The following TFPI variants were observed in gnomAD, a reference collection of about 807,000 sequenced individuals.
TFPI encodes the protein tissue factor pathway inhibitor, also known as anti-convertin.
In TFPI, 15 loss-of-function variants were observed where a neutral mutation model predicts 34.6. The ratio of observed to expected loss-of-function variants is 0.43; its 90% CI spans 0.29 to 0.67. TFPI has a LOEUF of 0.67. TFPI is among the 30% of genes least tolerant of loss of function. The pLI is 0.15. For synonymous variants in TFPI, 105 were observed against 120.1 expected, an observed-to-expected ratio of 0.87 and a Z score of 0.82; for missense variants, 301 against 364.0, an observed-to-expected ratio of 0.83 and a Z score of 1.41.
intron 6 of TFPI, among the ~76,000 whole-genome samples, chr2:187,479,242 G>T (rs1692640625): frequency 1.3e-5 from 2 of 151,946 alleles, no homozygotes; most frequent in African/African-American, 4.8e-5. Flanking sequence ...GGACAATGCA[G>T]ACAAATTTTA....
intron 6 of TFPI, chr2:187,478,498 A>G: frequency 1.1e-6 from 1 of 951,428 alleles, no homozygotes; most frequent in Non-Finnish European, 1.4e-6. Context: ...AAAGACTCAC[A>G]ACTAGCACGA....
At chr2:187,526,614 C>T (rs1687689452) in intron 1 of TFPI, among the ~76,000 whole-genome samples, 2 of 152,098 alleles carry the variant, frequency 1.3e-5, no homozygotes, top group Admixed American at 1.3e-4. Context: ...GGGGTATACA[C>T]ATTATTTTAT....
chr2:187,488,213 C>A, intron 4 of TFPI, 124 bp downstream of exon 4: 1 of 664,524 alleles, frequency 1.5e-6, no homozygotes, highest in Non-Finnish European at 2.5e-6. Flanking sequence ...CTCAGAGAAA[C>A]TTAAGAATTG....
chr2:187,519,849 AGAG>A (rs2106203536), intron 1 of TFPI: 1 of 152,304 alleles, frequency 6.6e-6, no homozygotes, highest in East Asian at 1.9e-4. Context: ...CCCTGCCTAG[AGAG>A]GAGGAATCTA....
In TFPI at chr2:187,496,947, C is replaced by T. The variant is rs764019560; in HGVS notation, c.253G>A (p.Gly85Arg). 4.3e-6 allele frequency: 7 copies of T among 1,613,314 alleles called. No homozygotes were observed. The highest frequency in any genetic ancestry group is 8.5e-7 in the Non-Finnish European group (1 of 1,179,500). ...CGATTCTGATTTCCTTCACATCCCC[C>T]ATATATAAATTCTTCGCACTGTCGA... ...FTRQCEEFIY[G>R]GCEGNQNRFE... Residue 85 changes from glycine (G) to arginine (R), a missense_variant, in exon 3 of 8, where the codon GGG becomes AGG. Transcript: ENST00000233156.
chr2:187,510,122 TG>T (rs746120689), intron 1 of TFPI, among the ~76,000 whole-genome samples: 19 of 152,210 alleles, frequency 1.2e-4, no homozygotes, highest in Non-Finnish European at 2.4e-4. Flanking sequence ...ATGTCAGAGA[TG>T]ATAAATTCAT....
intron 6 of TFPI, among the ~76,000 whole-genome samples, chr2:187,476,313 A>G (rs1191943031): frequency 6.6e-6 from 1 of 152,144 alleles, no homozygotes; most frequent in African/African-American, 2.4e-5. Flanking sequence ...TCCCTAGAAG[A>G]GGCAGAGTTG....
At chr2:187,544,626 G>A (rs1688758983) in intron 1 of TFPI, 1 of 131,094 alleles carries the variant, frequency 7.6e-6, no homozygotes, top group South Asian at 2.9e-4. Flanking sequence ...GGGCAACAGA[G>A]CAAGACTTCA....
intron 6 of TFPI, among the ~76,000 whole-genome samples, chr2:187,475,155 A>G (rs1469207812): frequency 2.0e-5 from 3 of 152,250 alleles, no homozygotes; most frequent in Non-Finnish European, 2.9e-5. Flanking sequence ...CCCAGTACCT[A>G]TGGTAGTCCC....
intron 1 of TFPI, among the ~76,000 whole-genome samples, chr2:187,511,855 A>G (rs1036634177): frequency 1.1e-4 from 17 of 152,088 alleles, no homozygotes; most frequent in Non-Finnish European, 2.4e-4. Flanking sequence ...CAGAGAGGGA[A>G]AGAGGCAAAG....
Position 187,478,518 on chromosome 2 carries a change from A to T in TFPI, c.628+5606T>A, listed in dbSNP as rs1015709386. ...CTCACAACTAGCACGAACTCCTGAG[A>T]ATATTCATTTTTCTTTGCTAGTTAG... On this transcript the variant is annotated intron_variant, in intron 6 of 7. Transcript: ENST00000233156. 4.4e-6 allele frequency: 5 copies of T among 1,124,554 alleles called. No individual in the cohort carries two copies. In the Admixed American group the frequency reaches 9.5e-5, roughly 21 times the overall value. The allele number at this position is 1,124,554 out of a possible 1,614,324, so 69.7% of individuals were successfully genotyped here. A position where few individuals can be genotyped will look rare whatever the true frequency, so the allele number is the denominator to read the frequency against.
intron 1 of TFPI, 47 bp from the exon 2 acceptor site, chr2:187,503,817 GCACT>G: frequency 6.3e-7 from 1 of 1,596,660 alleles, no homozygotes; most frequent in South Asian, 1.1e-5. Flanking sequence ...GTGTTAATAT[GCACT>G]CATTTACAGA....
At chr2:187,533,182 A>T (rs773320646) in intron 1 of TFPI, among the ~76,000 whole-genome samples, 14 of 152,206 alleles carry the variant, frequency 9.2e-5, no homozygotes, top group Non-Finnish European at 1.5e-4. Flanking sequence ...TGGAGCGAGC[A>T]GCGGATATCC....
At chr2:187,473,973 T>C (rs1039231360) in intron 6 of TFPI, among the ~76,000 whole-genome samples, 5 of 152,054 alleles carry the variant, frequency 3.3e-5, no homozygotes, top group African/African-American at 7.2e-5. Flanking sequence ...ATAAATTGGG[T>C]AGATGTTCTC....
intron 2 of TFPI, among the ~76,000 whole-genome samples, 182 bp from the exon 3 acceptor site, chr2:187,497,260 C>T (rs1685546616): frequency 6.6e-6 from 1 of 151,938 alleles, no homozygotes; most frequent in Non-Finnish European, 1.5e-5. Context: ...CCAAATGAAA[C>T]ACAACTTCTA....
intron 4 of TFPI, among the ~76,000 whole-genome samples, chr2:187,486,216 G>A (rs2106022351): frequency 6.6e-6 from 1 of 151,318 alleles, no homozygotes; most frequent in African/African-American, 2.4e-5. Flanking sequence ...AATATGTGGG[G>A]GAAAGGAATA....
chr2:187,487,189 A>G (rs1356766979), intron 4 of TFPI, among the ~76,000 whole-genome samples: 1 of 151,520 alleles, frequency 6.6e-6, no homozygotes, highest in Non-Finnish European at 1.5e-5. Flanking sequence ...TCACAAAAAT[A>G]TTTATTCTCC....
At chr2:187,509,153 A>T (rs1313788983) in intron 1 of TFPI, among the ~76,000 whole-genome samples, 1 of 152,140 alleles carries the variant, frequency 6.6e-6, no homozygotes, top group Non-Finnish European at 1.5e-5. Flanking sequence ...AGCCGACTTG[A>T]TCGTGGTGGA....
intron 1 of TFPI, among the ~76,000 whole-genome samples, chr2:187,520,342 C>T (rs1484005292): frequency 6.6e-6 from 1 of 152,118 alleles, no homozygotes; most frequent in Non-Finnish European, 1.5e-5. Flanking sequence ...CGTATCTAGG[C>T]TAGAGTGCAC....
Sources: allele counts gnomAD v4.1 joint callset (sites outside exome capture counted in the v4.1 genomes callset), GRCh38; gene constraint gnomAD v4.1.1; transcripts MANE v1.5; gene names NCBI Gene and HGNC (gene_info 2026-07-23, HGNC 2026-07-21).